Variants in SLC36A2 observed in about 807,000 individuals in gnomAD.
SLC36A2 encodes proton-coupled amino acid transporter 2.
A neutral mutation model predicts 42.7 loss-of-function variants in SLC36A2; 39 were observed. The ratio of observed to expected loss-of-function variants is 0.91; its 90% CI spans 0.71 to 1.19. SLC36A2 has a LOEUF of 1.19. Ranked by LOEUF, SLC36A2 falls within the 50% of genes most tolerant of loss-of-function variation. The probability of loss-of-function intolerance (pLI) is 0.00; values close to 1 mark genes in which losing one functional copy is unlikely to be tolerated. For synonymous variants in SLC36A2, 237 were observed against 240.8 expected, an observed-to-expected ratio of 0.98 and a Z score of 0.15; for missense variants, 590 against 613.7, an observed-to-expected ratio of 0.96 and a Z score of 0.41.
intron 7 of SLC36A2, 138 bp from the exon 8 acceptor site, chr5:151,325,590 A>G (rs1755831665): frequency 1.1e-6 from 1 of 940,986 alleles, no homozygotes; most frequent in Admixed American, 2.0e-5. Flanking sequence ...TGTTCACAGT[A>G]GTGCTATTCA....
At chr5:151,346,035 G>A (rs991768477) in intron 1 of SLC36A2, among the ~76,000 whole-genome samples, 1 of 152,264 alleles carries the variant, frequency 6.6e-6, no homozygotes, top group South Asian at 2.1e-4. Context: ...TCGTTGCCAC[G>A]CTTACTCAGC....
intron 8 of SLC36A2, among the ~76,000 whole-genome samples, chr5:151,324,240 T>G (rs1755786694): frequency 6.6e-6 from 1 of 152,200 alleles, no homozygotes; most frequent in Non-Finnish European, 1.5e-5. Context: ...CCTCCCAGGT[T>G]CAAGTGATTC....
chr5:151,343,744 C>G, intron 2 of SLC36A2, 146 bp from the exon 3 acceptor site: 1 of 670,232 alleles, frequency 1.5e-6, no homozygotes. Context: ...TTTGTAGCAG[C>G]AACAGCTATT....
chr5:151,324,749 C>T (rs1755803834), intron 8 of SLC36A2, among the ~76,000 whole-genome samples: 2 of 152,206 alleles, frequency 1.3e-5, no homozygotes, highest in Non-Finnish European at 2.9e-5. Flanking sequence ...GATCTTCCTA[C>T]CTCAGCATCC....
intron 9 of SLC36A2, chr5:151,319,282 C>T (rs1755613833): frequency 5.1e-6 from 1 of 195,386 alleles, no homozygotes; most frequent in African/African-American, 2.4e-5. Context: ...GGGCAAATTC[C>T]TTGATCTGTC....
intron 7 of SLC36A2, among the ~76,000 whole-genome samples, chr5:151,330,984 T>C (rs1197914447): frequency 6.6e-6 from 1 of 152,202 alleles, no homozygotes. Context: ...AATGGTAGAC[T>C]TATGATCTTA....
chr5:151,316,596 C>T lies in SLC36A2; in HGVS notation c.*221G>A, dbSNP rs1755497469. The T allele has an allele frequency of 1.1e-5, 6 of 535,840 alleles. No homozygotes were observed. The South Asian group carries it at 1.3e-4, about 12-fold the overall frequency. The allele number at this position is 535,840 out of a possible 1,614,324, so 33.2% of individuals were successfully genotyped here. On this transcript the variant is annotated 3_prime_UTR_variant, in exon 10 of 10. Coordinates refer to ENST00000335244, the MANE Select transcript of SLC36A2 (RefSeq NM_181776.3). ...TCTCTACTAAAAATACAAAATTAGC[C>T]AGGCGTGCTGGACTATGCCTCTAAT...
chr5:151,343,581 C>A lies in SLC36A2; in HGVS notation c.273G>T (p.Leu91=), dbSNP rs35403441. ...GGCAGGCAATGAAGCCCATCACCAG[C>A]AGACTGAGTGGGCCCATCTGGAGGA... ...NAGILMGPLS[L]LVMGFIACHC... The change falls in exon 3 of 10, where the codon CTG becomes CTT. Residue 91 remains leucine (L), a synonymous_variant. Coordinates refer to ENST00000335244, the MANE Select transcript of SLC36A2 (RefSeq NM_181776.3). 6.2e-7 allele frequency: 1 copy of A among 1,614,004 alleles called. No homozygotes were observed. Among genetic ancestry groups the A allele is most frequent in the Non-Finnish European group, 8.5e-7 (1 of 1,180,008 alleles).
intron 1 of SLC36A2, among the ~76,000 whole-genome samples, chr5:151,346,653 G>A (rs2127304329): frequency 6.6e-6 from 1 of 152,300 alleles, no homozygotes; most frequent in Middle Eastern, 3.4e-3. Context: ...AAGTCTGGTT[G>A]GGTGGTGGGG....
At chr5:151,336,505 C>CT (rs1191522870) in intron 5 of SLC36A2, among the ~76,000 whole-genome samples, 1 of 138,496 alleles carries the variant, frequency 7.2e-6, no homozygotes, top group Admixed American at 7.6e-5. Context: ...AAGTCTATCA[C>CT]TTACTGTTTC....
Position 151,339,194 on chromosome 5 carries a change from A to T in SLC36A2, c.441-50T>A, listed in dbSNP as rs748545505. 3.6e-5 allele frequency: 51 copies of T among 1,428,712 alleles called. 1 individual carries two copies. In the East Asian group the frequency reaches 1.2e-3, roughly 33 times the overall value. The allele number at this position is 1,428,712 out of a possible 1,614,324, so 88.5% of individuals were successfully genotyped here. ...AGAAAACTTGTTATAAAATAAGTCA[A>T]CTTGTCAGTTCCATTTCTTGCCATT... is the stretch of plus-strand genomic sequence containing the variant. On this transcript the variant is annotated intron_variant, in intron 4 of 9. Coordinates refer to ENST00000335244, the MANE Select transcript of SLC36A2 (RefSeq NM_181776.3).
intron 1 of SLC36A2, among the ~76,000 whole-genome samples, chr5:151,344,782 A>G (rs1020425268): frequency 1.3e-5 from 2 of 152,226 alleles, no homozygotes; most frequent in East Asian, 3.8e-4. Context: ...ATGAAGGCTC[A>G]GAGAGGGGCA....
chr5:151,335,307 C>G, intron 6 of SLC36A2, 22 bp downstream of exon 6: 1 of 1,582,106 alleles, frequency 6.3e-7, no homozygotes, highest in Non-Finnish European at 8.6e-7. Flanking sequence ...GTGGAGTGGG[C>G]AGGTGCATGG....
intron 9 of SLC36A2, chr5:151,321,765 G>T (rs936068625): frequency 1.3e-5 from 5 of 395,610 alleles, no homozygotes; most frequent in Admixed American, 1.1e-4. Flanking sequence ...TGCAACCTCT[G>T]CCCTACATGT....
At chr5:151,346,423 T>C (rs545660168) in intron 1 of SLC36A2, among the ~76,000 whole-genome samples, 32 of 152,208 alleles carry the variant, frequency 2.1e-4, no homozygotes, top group Middle Eastern at 3.4e-3. Flanking sequence ...CATCCTCCGA[T>C]TTTGTTTCCA....
At chr5:151,331,980 C>CCTCA (rs1756009170) in intron 7 of SLC36A2, among the ~76,000 whole-genome samples, 1 of 152,100 alleles carries the variant, frequency 6.6e-6, no homozygotes, top group Non-Finnish European at 1.5e-5. Context: ...GATTCTCCTG[C>CCTCA]CTCAGCCTTC....
chr5:151,316,873 G>T lies in SLC36A2; in HGVS notation c.1396C>A (p.Leu466Met). The T allele has an allele frequency of 6.2e-7, 1 of 1,614,138 alleles. No homozygotes were observed. ...VVGTYQALDE[L>M]LKSEDSHPFS... Reference sequence around the variant, plus strand: ...GGGTGAGAGTCTTCTGACTTGAGCAGCTCGTCCAGGGCCTGGTAGGTCCCC... The same window carrying T: ...GGGTGAGAGTCTTCTGACTTGAGCATCTCGTCCAGGGCCTGGTAGGTCCCC... The change falls in exon 10 of 10, where the codon CTG (leucine) becomes ATG (methionine). Residue 466 changes from leucine to methionine, a missense_variant. Physicochemically the swap from Leu to Met is conservative, Grantham distance 15. Transcript: ENST00000335244.
chr5:151,337,330 C>A lies in SLC36A2; in HGVS notation c.525+1730G>T, dbSNP rs143247691. ...AATACCCAGCTCAGATGCACCACCC[C>A]CCGGAGGAGGCTTTCCCTGCTCCAG... is the stretch of plus-strand genomic sequence containing the variant. On this transcript the variant is annotated intron_variant, in intron 5 of 9. Transcript: ENST00000335244. Among the ~76,000 whole-genome samples the A allele has an allele frequency of 2.5e-4, 38 of 152,296 alleles. No individual in the cohort carries two copies. The East Asian group carries it at 7.3e-3, about 29-fold the overall frequency.
At chr5:151,324,141 TTTTG>T (rs543165815) in intron 8 of SLC36A2, among the ~76,000 whole-genome samples, 8 of 151,862 alleles carry the variant, frequency 5.3e-5, no homozygotes, top group South Asian at 2.1e-4. Flanking sequence ...TCCCAAATTG[TTTTG>T]TTTGTTTGTT....
Sources: gnomAD v4.1 joint callset for allele counts (sites outside exome capture counted in the v4.1 genomes callset) on GRCh38, gnomAD v4.1.1 for gene constraint, MANE v1.5 for transcripts, NCBI Gene and HGNC (gene_info 2026-07-23, HGNC 2026-07-21) for gene names.